The following PCDHAC1 variants were observed in gnomAD, a reference collection of about 807,000 sequenced individuals.
The protein encoded by PCDHAC1 is protocadherin alpha subfamily C, 1.
Under a neutral mutation model 60.0 loss-of-function variants are expected in PCDHAC1, and 42 were observed. The observed-to-expected ratio is 0.70, with a 90% CI of 0.55 to 0.90. The LOEUF is 0.90. PCDHAC1 is among the 40% of genes least tolerant of loss of function. The probability of loss-of-function intolerance (pLI) is 0.00; values close to 1 mark genes in which losing one functional copy is unlikely to be tolerated. For synonymous variants in PCDHAC1, 468 were observed against 499.3 expected (o/e 0.94, Z 0.84); for missense variants, 1,160 against 1,222.3 (o/e 0.95, Z 0.76).
intron 3 of PCDHAC1, among the ~76,000 whole-genome samples, chr5:140,999,034 T>A (rs953509791): frequency 6.6e-6 from 1 of 152,210 alleles, no homozygotes; most frequent in East Asian, 1.9e-4. Flanking sequence ...TGATACTTCG[T>A]CCAGTGTGCT....
At chr5:140,973,442 A>G (rs1230315099) in intron 1 of PCDHAC1, among the ~76,000 whole-genome samples, 4 of 152,274 alleles carry the variant, frequency 2.6e-5, no homozygotes, top group Non-Finnish European at 5.9e-5. Context: ...TGGTCACTTT[A>G]TAATGACTGG....
chr5:141,000,395 C>CTCTCTA (rs1213762225), intron 3 of PCDHAC1, among the ~76,000 whole-genome samples: 5 of 53,980 alleles, frequency 9.3e-5, no homozygotes, highest in East Asian at 6.1e-4. Flanking sequence ...CTCTCTCTCT[C>CTCTCTA]TATATATATA....
chr5:140,953,467 C>T (rs952334269), intron 1 of PCDHAC1, among the ~76,000 whole-genome samples: 1 of 152,090 alleles, frequency 6.6e-6, no homozygotes, highest in African/African-American at 2.4e-5. Context: ...AGAGTTTTAA[C>T]TTCCTCATGC....
At chr5:140,932,192 T>C (rs1359260162) in intron 1 of PCDHAC1, among the ~76,000 whole-genome samples, 4 of 151,968 alleles carry the variant, frequency 2.6e-5, no homozygotes, top group African/African-American at 9.6e-5. Context: ...GTCCATTTTT[T>C]TCTGTTAATA....
intron 1 of PCDHAC1, among the ~76,000 whole-genome samples, chr5:140,964,683 G>T (rs2095848322): frequency 6.6e-6 from 1 of 151,914 alleles, no homozygotes; most frequent in South Asian, 2.1e-4. Flanking sequence ...CACAATTTGT[G>T]CACTTGAGAG....
intron 1 of PCDHAC1, among the ~76,000 whole-genome samples, chr5:140,949,594 G>C (rs914390039): frequency 6.6e-6 from 1 of 151,450 alleles, no homozygotes; most frequent in African/African-American, 2.4e-5. Context: ...ATATTAATGT[G>C]GCCATTCTAG....
chr5:140,944,310 C>T (rs1036800359), intron 1 of PCDHAC1, among the ~76,000 whole-genome samples: 6 of 152,132 alleles, frequency 3.9e-5, no homozygotes, highest in Non-Finnish European at 7.4e-5. Flanking sequence ...ACCTCAGCCT[C>T]CTGAGTAGCT....
chr5:140,967,107 G>A (rs782199698), intron 1 of PCDHAC1: 12 of 1,612,876 alleles, frequency 7.4e-6, no homozygotes, highest in Non-Finnish European at 9.3e-6. Context: ...TGTGAGCAGC[G>A]GCCTCGCTGC....
intron 3 of PCDHAC1, among the ~76,000 whole-genome samples, chr5:140,986,050 T>G (rs1221001446): frequency 6.6e-6 from 1 of 152,226 alleles, no homozygotes; most frequent in Non-Finnish European, 1.5e-5. Flanking sequence ...CACTGATGAA[T>G]TCTTTTGCTT....
chr5:140,967,367 C>A (rs1390450808), intron 1 of PCDHAC1: 1 of 1,607,250 alleles, frequency 6.2e-7, no homozygotes, highest in Non-Finnish European at 8.5e-7. Flanking sequence ...TAAGCCCCTG[C>A]AGGAGAACAG....
rs549444106 is a variant in PCDHAC1 at position 140,953,999 on chromosome 5, T to C, written c.2433+24674T>C. Among the ~76,000 whole-genome samples the C allele has an allele frequency of 1.1e-4, 16 of 152,294 alleles. No homozygotes were observed. In the South Asian group the frequency reaches 3.3e-3, roughly 32 times the overall value. ...CCCTTCATATTTTCATGTGTACTCA[T>C]CATTCAGCTCCCACACATAGTGGGA... is the stretch of plus-strand genomic sequence containing the variant. On this transcript the variant is annotated intron_variant, in intron 1 of 3. Transcript: ENST00000253807.
At chr5:140,975,068 C>T (rs1273763502) in intron 1 of PCDHAC1, among the ~76,000 whole-genome samples, 4 of 152,134 alleles carry the variant, frequency 2.6e-5, no homozygotes, top group African/African-American at 9.7e-5. Flanking sequence ...CGAGCTCATT[C>T]AGATTGTTGG....
At chr5:140,954,007 C>T (rs1277033706) in intron 1 of PCDHAC1, among the ~76,000 whole-genome samples, 4 of 152,144 alleles carry the variant, frequency 2.6e-5, no homozygotes, top group Non-Finnish European at 4.4e-5. Flanking sequence ...CATCATTCAG[C>T]TCCCACACAT....
chr5:140,949,075 C>G (rs1459435331), intron 1 of PCDHAC1, among the ~76,000 whole-genome samples: 1 of 151,470 alleles, frequency 6.6e-6, no homozygotes, highest in Non-Finnish European at 1.5e-5. Flanking sequence ...ACTCTTTCAC[C>G]CATTTATTAC....
intron 3 of PCDHAC1, among the ~76,000 whole-genome samples, chr5:140,990,715 A>T (rs927680875): frequency 1.3e-5 from 2 of 152,194 alleles, no homozygotes; most frequent in Admixed American, 6.5e-5. Flanking sequence ...GGATAAGAGC[A>T]TCACTAGGTA....
rs2098419589 is a variant in PCDHAC1 at position 141,011,142 on chromosome 5, C to A, written c.*1205C>A. 1 of 153,660 alleles carries A rather than the reference C, an allele frequency of 6.5e-6. No individual in the cohort carries two copies. The highest frequency in any genetic ancestry group is 2.1e-4 in the South Asian group (1 of 4,820). 9.5% of individuals were successfully genotyped at this position (153,660 alleles called of 1,614,324 possible). On this transcript the variant is annotated 3_prime_UTR_variant, in exon 4 of 4. Transcript: ENST00000253807. ...CAATTATGTGCACTTTGATACACAA[C>A]CTTCTCTAACCAACTATATATCAAG...
At chr5:140,966,885 C>G in intron 1 of PCDHAC1, 1 of 1,590,818 alleles carries the variant, frequency 6.3e-7, no homozygotes, top group Non-Finnish European at 8.5e-7. Flanking sequence ...CCTGGCCCTG[C>G]GGCCTCCCAG....
At chr5:140,975,520 T>G (rs2153807475) in intron 1 of PCDHAC1, among the ~76,000 whole-genome samples, 1 of 152,342 alleles carries the variant, frequency 6.6e-6, no homozygotes, top group East Asian at 1.9e-4. Flanking sequence ...AAATCTGCAG[T>G]GGATATATTC....
At position 140,928,095 on chromosome 5, in the gene PCDHAC1, G is replaced by A. The variant is rs782045221; in HGVS notation, c.1203G>A (p.Gly401=). 1 of 1,614,190 alleles carries A rather than the reference G, an allele frequency of 6.2e-7. No homozygotes were observed. The highest frequency in any genetic ancestry group is 1.3e-5 in the African/African-American group (1 of 75,050). ...ACTACTACAGCCTGCTGATTGATGG[G>A]CCCCTGGACCGGGAGCAGATCAGTG... ...FDNYYSLLID[G]PLDREQISEY... The change falls in exon 1 of 4, where the codon GGG becomes GGA. Residue 401 remains glycine (G), a synonymous_variant. Coordinates refer to ENST00000253807, the MANE Select transcript of PCDHAC1 (RefSeq NM_018898.5).
Sources: gnomAD v4.1 joint callset for allele counts (sites outside exome capture counted in the v4.1 genomes callset) on GRCh38, gnomAD v4.1.1 for gene constraint, MANE v1.5 for transcripts, NCBI Gene and HGNC (gene_info 2026-07-23, HGNC 2026-07-21) for gene names.